The following SLC49A3 variants were observed in gnomAD, a reference collection of about 807,000 sequenced individuals.
SLC49A3 encodes the protein solute carrier family 49 member A3.
In SLC49A3, 50 loss-of-function variants were observed where a neutral mutation model predicts 43.8. The ratio of observed to expected loss-of-function variants is 1.14; its 90% CI spans 0.91 to 1.45. The LOEUF (loss-of-function observed/expected upper bound fraction) is 1.45. Among genes scored for constraint, SLC49A3 ranks in the 40% most tolerant of loss-of-function variants. The pLI is 0.00. For missense variants in SLC49A3, 906 were observed against 774.1 expected (o/e 1.17, Z -2.02); for synonymous variants, 413 against 352.0 (o/e 1.17, Z -1.94).
intron 6 of SLC49A3, 58 bp from the exon 7 acceptor site, chr4:683,819 G>A (rs1452888349): frequency 9.2e-6 from 14 of 1,516,470 alleles, no homozygotes; most frequent in Non-Finnish European, 1.2e-5. Flanking sequence ...CTAGGTGCAT[G>A]CCGTCAGGGC....
Position 685,920 on chromosome 4 carries a change from G to A in SLC49A3, c.509-9C>T, listed in dbSNP as rs1560173920. 1 of 1,613,888 alleles carries A rather than the reference G, an allele frequency of 6.2e-7. No homozygotes were observed. On this transcript the variant is annotated splice_polypyrimidine_tract_variant and intron_variant, in intron 3 of 9. Transcript: ENST00000322224. The surrounding 1 kb of genome is among the most constrained non-coding windows in gnomAD (Gnocchi z 4.3). ...GACGCCCAGAGGGTTCGCTGGGTGG[G>A]CGGATGCACAAAGTGTCAGCTCGGC... is the stretch of plus-strand genomic sequence containing the variant.
At chr4:690,563 T>G (rs923435325), upstream of SLC49A3, among the ~76,000 whole-genome samples, 13 of 152,360 alleles carry the variant, frequency 8.5e-5, no homozygotes, top group East Asian at 2.3e-3. Context: ...GGAGTTGCAG[T>G]GCAGGCTTCC....
chr4:686,213 G>A lies in SLC49A3; in HGVS notation c.384C>T (p.Phe128=), dbSNP rs141878355. The part of the protein sequence containing the change: ...MVVGTQNPFA[F]LMGGQSLCAL... ...CACAGAGGCTCTGGCCACCCATGAGGAAGGCAAATGGGTTTTGGGTCCCAA... is the reference window on the plus strand; with the variant it reads ...CACAGAGGCTCTGGCCACCCATGAGAAAGGCAAATGGGTTTTGGGTCCCAA... The change falls in exon 3 of 10, where the codon TTC becomes TTT. Residue 128 remains phenylalanine (F), a synonymous_variant. Transcript: ENST00000322224. The A allele has an allele frequency of 1.2e-6, 2 of 1,613,524 alleles. No homozygotes were observed. Among genetic ancestry groups the A allele is most frequent in the East Asian group, 2.2e-5 (1 of 44,902 alleles).
At chr4:680,984 G>C (rs1739419653), downstream of SLC49A3, 1 of 1,229,560 alleles carries the variant, frequency 8.1e-7, no homozygotes, top group African/African-American at 1.5e-5. Context: ...GGAAGGGCGG[G>C]AGTGCAGTGA....
rs758244563 is a variant in SLC49A3, at chr4:686,597, C to T, written c.229G>A (p.Val77Met). The T allele has an allele frequency of 6.2e-6, 10 of 1,613,184 alleles. No homozygotes were observed. Among genetic ancestry groups the T allele is most frequent in the African/African-American group, 2.7e-5 (2 of 74,948 alleles). The stretch of plus-strand genomic sequence containing the variant: ...GCCACGCCAAATGGGGTGGATACCA[C>T]GAGGTAGACCAGTGACAGCCAGTTG... ...QINWLSLVYL[V>M]VSTPFGVAAI... Residue 77 changes from valine (V) to methionine (M), a missense_variant, in exon 2 of 10, where the codon GTG becomes ATG. Transcript: ENST00000322224.
downstream of SLC49A3, among the ~76,000 whole-genome samples, chr4:680,317 A>G (rs1166364270): frequency 6.6e-6 from 1 of 152,108 alleles, no homozygotes; most frequent in Non-Finnish European, 1.5e-5. Flanking sequence ...ACTACACCCC[A>G]GGGCAGGAGT....
downstream of SLC49A3, chr4:678,700 G>T (rs1268039572): frequency 6.2e-7 from 1 of 1,611,812 alleles, no homozygotes. Flanking sequence ...TGCCCTCCGG[G>T]CCCAGAGAGC....
At chr4:687,668 G>C (rs1001299161) in intron 1 of SLC49A3, among the ~76,000 whole-genome samples, 3 of 152,216 alleles carry the variant, frequency 2.0e-5, no homozygotes, top group Non-Finnish European at 4.4e-5. Flanking sequence ...GGCAACGTGG[G>C]AGGACGATCT....
chr4:677,204 T>G (rs1738931568), downstream of SLC49A3, among the ~76,000 whole-genome samples: 1 of 152,138 alleles, frequency 6.6e-6, no homozygotes. Flanking sequence ...CCTGTAGGCC[T>G]CCTCCTTGAT....
At position 682,188 on chromosome 4, in the gene SLC49A3, G is replaced by GCCCCAGGA; in HGVS notation, c.1442_1449dup (p.Pro484SerfsTer18). The stretch of plus-strand genomic sequence containing the variant: ...GTGCACTCCGGAGTCGCCGTGCTGG[G>GCCCCAGGA]CCCCAGGACCCCAGCCCTTCCTGCT... On this transcript the variant is annotated frameshift_variant, in exon 10 of 10. Coordinates refer to ENST00000322224, the MANE Select transcript of SLC49A3 (RefSeq NM_032219.4). LOFTEE classifies it low-confidence loss of function (END_TRUNC). 7.3e-7 allele frequency: 1 copy of GCCCCAGGA among 1,361,816 alleles called. No individual in the cohort carries two copies. Among genetic ancestry groups the GCCCCAGGA allele is most frequent in the East Asian group, 2.9e-5 (1 of 34,026 alleles). 84.4% of individuals were successfully genotyped at this position (1,361,816 alleles called of 1,614,324 possible).
In SLC49A3 at chr4:686,318, C is replaced by T. The variant is rs959226708; in HGVS notation, c.295-16G>A. The stretch of plus-strand genomic sequence containing the variant: ...CCAGGATGGTCTGCGAGGAGGGGGT[C>T]GGGGACCGGGTCAGGAACGCTGCCA... On this transcript the variant is annotated splice_polypyrimidine_tract_variant and intron_variant, in intron 2 of 9. Transcript: ENST00000322224. The T allele has an allele frequency of 1.6e-5, 25 of 1,611,760 alleles. No homozygotes were observed. Among genetic ancestry groups the T allele is most frequent in the East Asian group, 2.2e-5 (1 of 44,886 alleles).
At position 686,248 on chromosome 4, in the gene SLC49A3, A is replaced by G. The variant is rs766912729; in HGVS notation, c.349T>C (p.Cys117Arg). The G allele has an allele frequency of 1.2e-6, 2 of 1,613,422 alleles. No individual in the cohort carries two copies. The highest frequency in any genetic ancestry group is 8.5e-7 in the Non-Finnish European group (1 of 1,180,024). The change falls in exon 3 of 10, where the codon TGC (cysteine) becomes CGC (arginine). Residue 117 changes from cysteine to arginine, a missense_variant. Coordinates refer to ENST00000322224, the MANE Select transcript of SLC49A3 (RefSeq NM_032219.4). ...FAGSVLRMVP[C>R]MVVGTQNPFA... ...GGGTTTTGGGTCCCAACAACCATGC[A>G]GGGCACCATGCGTAGCACACTCCCG...
downstream of SLC49A3, chr4:679,822 A>G: frequency 9.9e-7 from 1 of 1,013,004 alleles, no homozygotes; most frequent in East Asian, 2.6e-5. Flanking sequence ...CACCCTTCCC[A>G]TCTGCCTGCC....
At position 681,862 on chromosome 4, in the gene SLC49A3, C is replaced by T; in HGVS notation, c.*96G>A. On this transcript the variant is annotated 3_prime_UTR_variant, in exon 10 of 10. Transcript: ENST00000322224. ...CGCGCTTGTAATTCGCTCCCGGAGCCCGCAAGGAGCCCTTTCGCCCCCGCC... is the reference window on the plus strand; with the variant it reads ...CGCGCTTGTAATTCGCTCCCGGAGCTCGCAAGGAGCCCTTTCGCCCCCGCC... The T allele has an allele frequency of 7.6e-7, 1 of 1,307,764 alleles. No individual in the cohort carries two copies. The allele number at this position is 1,307,764 out of a possible 1,614,324, so 81.0% of individuals were successfully genotyped here.
chr4:689,087 G>C lies in SLC49A3; in HGVS notation c.41C>G (p.Pro14Arg). The change falls in exon 1 of 10, where the codon CCC becomes CGC. Residue 14 changes from proline to arginine, a missense_variant. By Grantham distance (103) the Pro-to-Arg change is moderately radical (BLOSUM62 -2). Transcript: ENST00000322224. ...PTEAETGLAE[P>R]RALCAQRGHR... ...GCCCCGCTGCGCGCACAGGGCCCGG[G>C]GCTCGGCCAACCCCGTCTCGGCCTC... 6.5e-7 allele frequency: 1 copy of C among 1,535,216 alleles called. No individual in the cohort carries two copies. Among genetic ancestry groups the C allele is most frequent in the Non-Finnish European group, 8.7e-7 (1 of 1,148,896 alleles).
intron 6 of SLC49A3, 120 bp downstream of exon 6, chr4:684,363 A>G: frequency 1.5e-6 from 2 of 1,366,946 alleles, no homozygotes. Context: ...ACAGCACAGA[A>G]GGGTGTCAAT....
intron 6 of SLC49A3, among the ~76,000 whole-genome samples, 160 bp downstream of exon 6, chr4:684,323 A>T (rs1442652034): frequency 6.6e-6 from 1 of 152,058 alleles, no homozygotes; most frequent in Admixed American, 6.5e-5. Flanking sequence ...CTGTGGACAT[A>T]ATGTCACACA....
rs1254030357 is a variant in SLC49A3, at chr4:686,842, A to G, written c.136-152T>C. On this transcript the variant is annotated intron_variant, in intron 1 of 9. Transcript: ENST00000322224. Reference sequence around the variant, plus strand: ...ACACGGGGCCTTCCTGCCCAAGGAGAGCGCCACCCTGCCTCCCCCGAGGGC... The same window carrying G: ...ACACGGGGCCTTCCTGCCCAAGGAGGGCGCCACCCTGCCTCCCCCGAGGGC... 5 of 1,038,972 alleles carry G rather than the reference A, an allele frequency of 4.8e-6. No individual in the cohort carries two copies. In the East Asian group the frequency reaches 1.3e-4, roughly 27 times the overall value. The allele number at this position is 1,038,972 out of a possible 1,614,324, so 64.4% of individuals were successfully genotyped here. A position where few individuals can be genotyped will look rare whatever the true frequency, so the allele number is the denominator to read the frequency against.
rs201844976 is a variant in SLC49A3 at position 686,729 on chromosome 4, C to G, written c.136-39G>C. On this transcript the variant is annotated intron_variant, in intron 1 of 9. Transcript: ENST00000322224. ...GCGGGAGTCAGCGCAGGGCCACAGA[C>G]CCCGGACCTACCTGCTGTGGCCCCA... The G allele has an allele frequency of 3.2e-4, 508 of 1,591,342 alleles. 5 individuals are homozygous for G. The East Asian group carries it at 9.4e-3, about 29-fold the overall frequency.
Sources: allele counts gnomAD v4.1 joint callset (sites outside exome capture counted in the v4.1 genomes callset), GRCh38; gene constraint gnomAD v4.1.1; non-coding constraint Gnocchi (gnomAD v3.1); transcripts MANE v1.5; gene names NCBI Gene and HGNC (gene_info 2026-07-23, HGNC 2026-07-21).